The following MSRA variants were observed in gnomAD, a reference collection of about 807,000 sequenced individuals.
MSRA encodes the protein mitochondrial peptide methionine sulfoxide reductase.
Under a neutral mutation model 31.3 loss-of-function variants are expected in MSRA, and 54 were observed. That is an observed-to-expected ratio of 1.73 (90% CI 1.39 to 2.17). The LOEUF (loss-of-function observed/expected upper bound fraction) is 2.17, where lower values mean the gene tolerates loss of function less well. Among genes scored for constraint, MSRA ranks in the 30% most tolerant of loss-of-function variants. The pLI is 0.00. For missense variants in MSRA, 507 were observed against 300.9 expected (o/e 1.69, Z -5.07); for synonymous variants, 169 against 116.5 (o/e 1.45, Z -2.90).
chr8:10,201,325 T>C (rs956967029), intron 1 of MSRA, among the ~76,000 whole-genome samples: 4 of 152,158 alleles, frequency 2.6e-5, no homozygotes, highest in African/African-American at 9.7e-5. Flanking sequence ...ATTGTACTTC[T>C]TGATGACCGG....
intron 5 of MSRA, among the ~76,000 whole-genome samples, chr8:10,427,726 C>T (rs997781407): frequency 2.0e-5 from 3 of 152,192 alleles, no homozygotes; most frequent in Non-Finnish European, 2.9e-5. Flanking sequence ...TTCCCTCCCA[C>T]TGTGGCCCTG....
chr8:10,272,586 C>G (rs745885673), intron 3 of MSRA, among the ~76,000 whole-genome samples: 2 of 152,204 alleles, frequency 1.3e-5, no homozygotes, highest in Non-Finnish European at 2.9e-5. Flanking sequence ...CAGAAACACC[C>G]TCACAGGGAC....
At chr8:10,196,813 C>A (rs1808033020) in intron 1 of MSRA, among the ~76,000 whole-genome samples, 1 of 151,982 alleles carries the variant, frequency 6.6e-6, no homozygotes, top group South Asian at 2.1e-4. Context: ...CTCAAGTAAT[C>A]CGTCCACCTC....
chr8:10,097,799 A>G (rs147390627), intron 1 of MSRA, among the ~76,000 whole-genome samples: 2 of 152,192 alleles, frequency 1.3e-5, no homozygotes, highest in African/African-American at 4.8e-5. Context: ...AAAAACAAAT[A>G]TGTCAGAATA....
At chr8:10,174,726 C>G (rs1017718012) in intron 1 of MSRA, among the ~76,000 whole-genome samples, 1 of 152,192 alleles carries the variant, frequency 6.6e-6, no homozygotes, top group South Asian at 2.1e-4. Flanking sequence ...CTACTGCTAT[C>G]TCTGTCACCT....
At chr8:10,341,420 T>A (rs1443760455) in intron 5 of MSRA, among the ~76,000 whole-genome samples, 1 of 152,114 alleles carries the variant, frequency 6.6e-6, no homozygotes, top group Non-Finnish European at 1.5e-5. Context: ...AGCCGACTTA[T>A]CACCAAAGAA....
chr8:10,217,043 C>T (rs116537000), intron 2 of MSRA, among the ~76,000 whole-genome samples: 1,528 of 152,338 alleles, frequency 0.01, 29 homozygotes, highest in African/African-American at 0.035. Context: ...GTTCCAATTT[C>T]TCTGTATCCT....
In MSRA at chr8:10,140,034, G is replaced by A. The variant is rs143184919; in HGVS notation, c.143-67799G>A. On this transcript the variant is annotated intron_variant, in intron 1 of 5. Transcript: ENST00000317173. ...ATCTGATGCAAGTTTTCTGCGACAC[G>A]GGAGCCTTCCGAAATGAAGAGCGAG... is the stretch of plus-strand genomic sequence containing the variant. Among the ~76,000 whole-genome samples the A allele has an allele frequency of 2.3e-3, 346 of 152,316 alleles. 5 individuals carry two copies. Among genetic ancestry groups the A allele is most frequent in the East Asian group, 0.016 (81 of 5,182 alleles).
At chr8:10,127,902 C>A (rs987895868) in intron 1 of MSRA, among the ~76,000 whole-genome samples, 1 of 151,790 alleles carries the variant, frequency 6.6e-6, no homozygotes, top group Admixed American at 6.6e-5. Context: ...TTATTGCCTT[C>A]ACGTGGGGTG....
intron 5 of MSRA, among the ~76,000 whole-genome samples, chr8:10,348,860 G>C (rs1803954575): frequency 6.6e-6 from 1 of 152,180 alleles, no homozygotes; most frequent in African/African-American, 2.4e-5. Flanking sequence ...AGGCACATGA[G>C]TGTGCATAAC....
intron 5 of MSRA, among the ~76,000 whole-genome samples, chr8:10,403,473 G>A (rs1006470424): frequency 1.3e-5 from 2 of 152,240 alleles, no homozygotes; most frequent in South Asian, 4.1e-4. Context: ...GGATGGCTAG[G>A]CCCTGGCTGG....
intron 3 of MSRA, among the ~76,000 whole-genome samples, chr8:10,248,657 T>A (rs1189992669): frequency 6.6e-6 from 1 of 152,226 alleles, no homozygotes; most frequent in South Asian, 2.1e-4. Flanking sequence ...TGGAAATTGA[T>A]AGGCCAGTGA....
intron 1 of MSRA, among the ~76,000 whole-genome samples, chr8:10,173,967 G>A (rs1258168828): frequency 1.3e-5 from 2 of 152,192 alleles, no homozygotes; most frequent in African/African-American, 2.4e-5. Flanking sequence ...CCACATTGAG[G>A]TGGGTGGGCC....
At chr8:10,162,059 C>G (rs538706040) in intron 1 of MSRA, among the ~76,000 whole-genome samples, 133 of 152,266 alleles carry the variant, frequency 8.7e-4, no homozygotes, top group African/African-American at 3.0e-3. Flanking sequence ...GAGACACAGC[C>G]CGTGACACTT....
intron 5 of MSRA, among the ~76,000 whole-genome samples, chr8:10,370,000 C>T (rs1368636363): frequency 6.6e-6 from 1 of 152,150 alleles, no homozygotes; most frequent in Non-Finnish European, 1.5e-5. Flanking sequence ...ATGTTCTGTT[C>T]ATATTGAAGA....
intron 5 of MSRA, among the ~76,000 whole-genome samples, chr8:10,331,011 C>G (rs886191264): frequency 6.6e-6 from 1 of 152,170 alleles, no homozygotes; most frequent in African/African-American, 2.4e-5. Context: ...GAAGAGACAC[C>G]AGGGAGCAGG....
chr8:10,375,343 C>G (rs924639349), intron 5 of MSRA, among the ~76,000 whole-genome samples: 2 of 152,236 alleles, frequency 1.3e-5, no homozygotes, highest in Admixed American at 1.3e-4. Flanking sequence ...ATAAGGACAG[C>G]TGGTATGGAT....
intron 5 of MSRA, among the ~76,000 whole-genome samples, chr8:10,338,500 C>T (rs1803204159): frequency 6.6e-6 from 1 of 151,962 alleles, no homozygotes; most frequent in Admixed American, 6.6e-5. Context: ...CACGTCTCAC[C>T]ATAAAAAAAC....
intron 3 of MSRA, among the ~76,000 whole-genome samples, chr8:10,300,720 CAGAT>C (rs1179221952): frequency 1.3e-5 from 2 of 152,106 alleles, no homozygotes; most frequent in South Asian, 4.1e-4. Context: ...TGACTGAAAA[CAGAT>C]AGATAAAAAA....
Sources: allele counts gnomAD v4.1 joint callset (sites outside exome capture counted in the v4.1 genomes callset), GRCh38; gene constraint gnomAD v4.1.1; transcripts MANE v1.5; gene names NCBI Gene and HGNC (gene_info 2026-07-23, HGNC 2026-07-21).